SBF2: variants seen among roughly 807,000 people sequenced by gnomAD.
SBF2 encodes myotubularin-related protein 13.
SBF2 carries 112 observed loss-of-function variants against 225.2 expected under a neutral mutation model. The ratio of observed to expected loss-of-function variants is 0.50; its 90% CI spans 0.43 to 0.58. SBF2 has a LOEUF of 0.58. SBF2 is among the 20% of genes least tolerant of loss of function. SBF2 has a pLI of 0.00. For synonymous variants in SBF2, 763 were observed against 773.3 expected (o/e 0.99, Z 0.22); for missense variants, 1,996 against 2,206.2 (o/e 0.90, Z 1.91).
chr11:9,817,256 T>C (rs930509348), intron 28 of SBF2, among the ~76,000 whole-genome samples: 1 of 152,182 alleles, frequency 6.6e-6, no homozygotes, highest in Admixed American at 6.5e-5. Context: ...ATCCCCCAAA[T>C]CAATCCTATT....
chr11:10,127,349 T>A (rs1261216729), intron 2 of SBF2, among the ~76,000 whole-genome samples: 2 of 152,144 alleles, frequency 1.3e-5, no homozygotes, highest in African/African-American at 4.8e-5. Context: ...AAAAGAAAGT[T>A]TAAAGAATGA....
At chr11:9,944,962 A>C (rs1865480868) in intron 16 of SBF2, among the ~76,000 whole-genome samples, 1 of 152,058 alleles carries the variant, frequency 6.6e-6, no homozygotes, top group South Asian at 2.1e-4. Flanking sequence ...AAAATTAGCC[A>C]AGTGTGGTGG....
chr11:9,918,182 TCTTACTAA>T (rs1863270703), intron 16 of SBF2, among the ~76,000 whole-genome samples: 1 of 107,716 alleles, frequency 9.3e-6, no homozygotes, highest in Non-Finnish European at 1.9e-5. Context: ...ATCGGCTCCC[TCTTACTAA>T]CTTACTACCT....
At position 9,979,037 on chromosome 11, in the gene SBF2, G is replaced by A. The variant is rs867231190; in HGVS notation, c.1395+10460C>T. 2.6e-5 allele frequency among the ~76,000 whole-genome samples: 4 copies of A among 152,154 alleles called. No individual in the cohort carries two copies. In the South Asian group the frequency reaches 8.3e-4, roughly 32 times the overall value. On this transcript the variant is annotated intron_variant, in intron 13 of 39. Transcript: ENST00000256190. ...GAACAACATGTAAAGTCAACTACTG[G>A]AAACATCGTTTTTTCCTATTGGAGG...
In SBF2 at chr11:9,917,361, T is replaced by TC. The variant is rs1376545551; in HGVS notation, c.1861-21351dup. Among the ~76,000 whole-genome samples the TC allele has an allele frequency of 5.9e-5, 9 of 151,808 alleles. No individual in the cohort carries two copies. In the East Asian group the frequency reaches 9.7e-4, roughly 16 times the overall value. On this transcript the variant is annotated intron_variant, in intron 16 of 39. Transcript: ENST00000256190. ...TTTGTTTTTGTTTTGAGACAGAATCTCCCTCTGTCACCCAGGCTGAAGTGC... is the reference window on the plus strand; with the variant it reads ...TTTGTTTTTGTTTTGAGACAGAATCTCCCCTCTGTCACCCAGGCTGAAGTGC...
chr11:9,900,484 A>G (rs753971842), intron 16 of SBF2, among the ~76,000 whole-genome samples: 3 of 152,142 alleles, frequency 2.0e-5, no homozygotes, highest in East Asian at 3.9e-4. Flanking sequence ...AAATTAGCCA[A>G]TCGGAATTAG....
intron 1 of SBF2, among the ~76,000 whole-genome samples, chr11:10,242,360 GT>G (rs1452385098): frequency 6.6e-6 from 1 of 151,396 alleles, no homozygotes; most frequent in Non-Finnish European, 1.5e-5. Flanking sequence ...AACACCCATA[GT>G]AGGTACAAAA....
At chr11:10,241,317 G>A (rs1959211746) in intron 1 of SBF2, among the ~76,000 whole-genome samples, 1 of 152,046 alleles carries the variant, frequency 6.6e-6, no homozygotes, top group Non-Finnish European at 1.5e-5. Context: ...TCATACCACT[G>A]CACTCTGGCC....
At chr11:10,216,157 A>T (rs1010732127) in intron 1 of SBF2, among the ~76,000 whole-genome samples, 2 of 152,192 alleles carry the variant, frequency 1.3e-5, no homozygotes, top group Non-Finnish European at 2.9e-5. Flanking sequence ...CAAAATCCTT[A>T]AGGGAGGAAA....
intron 16 of SBF2, among the ~76,000 whole-genome samples, chr11:9,901,000 G>A (rs957567552): frequency 6.6e-6 from 1 of 151,852 alleles, no homozygotes; most frequent in African/African-American, 2.4e-5. Flanking sequence ...CAAAATGCTG[G>A]GATTACAGGC....
intron 2 of SBF2, among the ~76,000 whole-genome samples, chr11:10,159,160 T>C (rs1457074291): frequency 1.3e-5 from 2 of 152,190 alleles, no homozygotes; most frequent in African/African-American, 4.8e-5. Flanking sequence ...ACCGACTCCA[T>C]CTTGCTTCTA....
chr11:10,227,483 T>C (rs1356036625), intron 1 of SBF2, among the ~76,000 whole-genome samples: 1 of 152,210 alleles, frequency 6.6e-6, no homozygotes, highest in East Asian at 1.9e-4. Flanking sequence ...TAATCCATCT[T>C]GAATTAATTT....
At chr11:10,152,290 C>A (rs1232424320) in intron 2 of SBF2, among the ~76,000 whole-genome samples, 1 of 152,148 alleles carries the variant, frequency 6.6e-6, no homozygotes, top group Non-Finnish European at 1.5e-5. Flanking sequence ...GTGGCTCACA[C>A]CTGTAATTCA....
At chr11:10,111,893 ATTAACT>A (rs1952877032) in intron 2 of SBF2, among the ~76,000 whole-genome samples, 1 of 152,228 alleles carries the variant, frequency 6.6e-6, no homozygotes. Context: ...ACCAAAAAAA[ATTAACT>A]TAGAGTTCTG....
chr11:10,002,933 C>T (rs534197827), intron 6 of SBF2, among the ~76,000 whole-genome samples: 8 of 152,154 alleles, frequency 5.3e-5, no homozygotes, highest in African/African-American at 1.7e-4. Context: ...AACACTATTA[C>T]CTTCTTTTCA....
chr11:9,982,472 C>T (rs1213878387), intron 13 of SBF2, among the ~76,000 whole-genome samples: 1 of 151,940 alleles, frequency 6.6e-6, no homozygotes, highest in South Asian at 2.1e-4. Flanking sequence ...ATTTACAATC[C>T]AGAGCAAAAA....
chr11:10,196,866 A>ATATATTTTTTTTTTTTTTT, intron 1 of SBF2, among the ~76,000 whole-genome samples: 2 of 99,316 alleles, frequency 2.0e-5, no homozygotes, highest in African/African-American at 4.0e-5. Context: ...ATATATATAT[A>ATATATTTTTTTTTTTTTTT]TTTTTTTTTT....
intron 2 of SBF2, among the ~76,000 whole-genome samples, chr11:10,071,181 G>A (rs753265740): frequency 6.6e-6 from 1 of 151,654 alleles, no homozygotes; most frequent in Non-Finnish European, 1.5e-5. Context: ...GCCCTGGCTG[G>A]AACCTCCAAC....
chr11:9,965,603 A>C (rs2134375576), intron 14 of SBF2, among the ~76,000 whole-genome samples: 1 of 152,150 alleles, frequency 6.6e-6, no homozygotes, highest in South Asian at 2.1e-4. Context: ...CTTTTTAATA[A>C]AACTAATTAT....
Sources: gnomAD v4.1 joint callset for allele counts (sites outside exome capture counted in the v4.1 genomes callset) on GRCh38, gnomAD v4.1.1 for gene constraint, MANE v1.5 for transcripts, NCBI Gene and HGNC (gene_info 2026-07-23, HGNC 2026-07-21) for gene names.